Variants in TNKS observed in about 807,000 individuals in gnomAD.
TNKS encodes the protein poly [ADP-ribose] polymerase tankyrase-1.
A neutral mutation model predicts 135.8 loss-of-function variants in TNKS; 72 were observed. The ratio of observed to expected loss-of-function variants is 0.53; its 90% CI spans 0.44 to 0.64. The LOEUF is 0.64. Ranked by LOEUF, TNKS falls within the 30% of genes least tolerant of loss-of-function variation. TNKS has a pLI of 0.00. For synonymous variants in TNKS, 849 were observed against 649.3 expected (o/e 1.31, Z -4.68); for missense variants, 1,769 against 1,674.0 (o/e 1.06, Z -0.99).
intron 2 of TNKS, among the ~76,000 whole-genome samples, chr8:9,607,837 C>T (rs1554447772): frequency 5.3e-5 from 8 of 152,096 alleles, no homozygotes; most frequent in Non-Finnish European, 1.5e-5. Context: ...ACTGCTTTGT[C>T]AGGGGCATTC....
intron 20 of TNKS, among the ~76,000 whole-genome samples, chr8:9,759,154 C>A (rs10104032): frequency 0.49 from 74,411 of 151,948 alleles, 20,005 homozygotes; most frequent in African/African-American, 0.72. Flanking sequence ...GTCACTAGGC[C>A]AGCCTGCACT....
intron 5 of TNKS, chr8:9,681,102 A>G (rs1018820599): frequency 9.1e-6 from 2 of 219,312 alleles, no homozygotes; most frequent in Non-Finnish European, 8.9e-6. Context: ...GGGTATGATA[A>G]TGGAAACTGG....
chr8:9,781,253 T>C lies in TNKS; in HGVS notation c.*4517T>C, dbSNP rs1214236269. On this transcript the variant is annotated 3_prime_UTR_variant, in exon 27 of 27. Transcript: ENST00000310430. ...CTACCTCCCATCCTTTCAAAGAGGT[T>C]TCTTTCACGTTCCAGAATTCAGATT... 2 of 152,214 alleles carry C rather than the reference T, an allele frequency of 1.3e-5. No individual in the cohort carries two copies. The highest frequency in any genetic ancestry group is 4.8e-5 in the African/African-American group (2 of 41,448). 9.4% of individuals were successfully genotyped at this position (152,214 alleles called of 1,614,324 possible).
intron 20 of TNKS, among the ~76,000 whole-genome samples, chr8:9,760,296 C>G (rs1251181138): frequency 6.6e-6 from 1 of 152,064 alleles, no homozygotes; most frequent in Non-Finnish European, 1.5e-5. Flanking sequence ...GAATTGCCCG[C>G]TTTGTGCAAT....
At chr8:9,704,031 A>G (rs1300670814) in intron 5 of TNKS, among the ~76,000 whole-genome samples, 2 of 152,240 alleles carry the variant, frequency 1.3e-5, no homozygotes, top group African/African-American at 4.8e-5. Flanking sequence ...TACACTGTGT[A>G]TGTGGTACAT....
chr8:9,680,844 A>C, intron 5 of TNKS, 44 bp downstream of exon 5: 1 of 1,506,764 alleles, frequency 6.6e-7, no homozygotes, highest in Non-Finnish European at 9.2e-7. Flanking sequence ...CAATGCTTCA[A>C]AATTTTGTGA....
chr8:9,584,199 A>G (rs1392986018), intron 2 of TNKS, among the ~76,000 whole-genome samples: 1 of 150,868 alleles, frequency 6.6e-6, no homozygotes, highest in Non-Finnish European at 1.5e-5. Context: ...TCTGGGAGTC[A>G]CAATGGATAT....
intron 25 of TNKS, 98 bp from the exon 26 acceptor site, chr8:9,770,008 C>T: frequency 9.4e-7 from 1 of 1,059,740 alleles, no homozygotes; most frequent in South Asian, 1.9e-5. Context: ...AATTAGCTTG[C>T]CTTATGTTAA....
At chr8:9,575,352 C>T in intron 1 of TNKS, 1 of 980,788 alleles carries the variant, frequency 1.0e-6, no homozygotes, top group Non-Finnish European at 1.2e-6. Context: ...CCCTAAATTA[C>T]AGGTGTGAGC....
intron 5 of TNKS, among the ~76,000 whole-genome samples, chr8:9,701,653 A>T (rs1184780309): frequency 6.6e-6 from 1 of 152,236 alleles, no homozygotes; most frequent in African/African-American, 2.4e-5. Flanking sequence ...ATCAGGCAGT[A>T]CATGGTAATT....
intron 8 of TNKS, among the ~76,000 whole-genome samples, chr8:9,707,439 T>A (rs1177223007): frequency 6.6e-6 from 1 of 152,178 alleles, no homozygotes; most frequent in East Asian, 1.9e-4. Context: ...CCATTGACAG[T>A]GACAGGTATC....
At chr8:9,727,417 T>C (rs1805216790) in intron 13 of TNKS, among the ~76,000 whole-genome samples, 1 of 152,168 alleles carries the variant, frequency 6.6e-6, no homozygotes, top group Non-Finnish European at 1.5e-5. Flanking sequence ...GTTTGGAGAT[T>C]GGTCTTTTGG....
chr8:9,693,397 T>C (rs937131715), intron 5 of TNKS, among the ~76,000 whole-genome samples: 1 of 152,166 alleles, frequency 6.6e-6, no homozygotes, highest in African/African-American at 2.4e-5. Flanking sequence ...GAAAAATATC[T>C]GAAATGATCA....
At chr8:9,662,813 A>G (rs753440462) in intron 3 of TNKS, among the ~76,000 whole-genome samples, 9 of 152,242 alleles carry the variant, frequency 5.9e-5, no homozygotes, top group African/African-American at 9.6e-5. Context: ...GAGAGGCATC[A>G]TTCACTGTTG....
At chr8:9,665,727 A>G (rs1322118384) in intron 3 of TNKS, among the ~76,000 whole-genome samples, 2 of 152,158 alleles carry the variant, frequency 1.3e-5, no homozygotes, top group Non-Finnish European at 2.9e-5. Context: ...TTCTCTGGAT[A>G]CTGGAGCATG....
chr8:9,702,336 C>T (rs187908980), intron 5 of TNKS, among the ~76,000 whole-genome samples: 89 of 152,124 alleles, frequency 5.9e-4, no homozygotes, highest in African/African-American at 2.0e-3. Context: ...CATACACACA[C>T]GAAGAAAACT....
At position 9,765,737 on chromosome 8, in the gene TNKS, C is replaced by G. The variant is rs775789825; in HGVS notation, c.3493C>G (p.Arg1165Gly). 1 of 1,613,872 alleles carries G rather than the reference C, an allele frequency of 6.2e-7. No individual in the cohort carries two copies. The highest frequency in any genetic ancestry group is 8.5e-7 in the Non-Finnish European group (1 of 1,179,896). Residue 1165 changes from arginine to glycine, a missense_variant, in exon 24 of 27, where the codon CGA becomes GGA. Arg to Gly is a moderately radical substitution (Grantham distance 125, BLOSUM62 -2). Around this residue, in one of 5 missense-constraint regions of TNKS, gnomAD observed 722 missense variants for 688.9 expected, o/e 1.05. Coordinates refer to ENST00000310430, the MANE Select transcript of TNKS (RefSeq NM_003747.3). ...GAAGTTGAGGGAGCGGTTCTGCCAC[C>G]GACAGAAGGAAGTGTCTGAGGAGAA... The part of the protein sequence containing the change: ...NKKLRERFCH[R>G]QKEVSEENHN...
intron 3 of TNKS, among the ~76,000 whole-genome samples, chr8:9,624,041 A>AACGACAACAACAAC (rs1554452219): frequency 3.3e-4 from 50 of 151,524 alleles, no homozygotes; most frequent in Non-Finnish European, 6.2e-4. Context: ...ACAACAACAA[A>AACGACAACAACAAC]AAACAACTAA....
At chr8:9,745,493 C>T (rs1224134549) in intron 17 of TNKS, among the ~76,000 whole-genome samples, 3 of 152,170 alleles carry the variant, frequency 2.0e-5, no homozygotes, top group Non-Finnish European at 2.9e-5. Flanking sequence ...CAATCTCCGT[C>T]TCCCAGATTC....
Sources: gnomAD v4.1 joint callset for allele counts (sites outside exome capture counted in the v4.1 genomes callset) on GRCh38, gnomAD v4.1.1 for gene constraint, gnomAD v4.1.1 regional missense constraint, MANE v1.5 for transcripts, NCBI Gene and HGNC (gene_info 2026-07-23, HGNC 2026-07-21) for gene names.